The following TOX2 variants were observed in gnomAD, a reference collection of about 807,000 sequenced individuals.
TOX2 encodes the protein granulosa cell HMG box 1.
In TOX2, 15 loss-of-function variants were observed where a neutral mutation model predicts 47.4. The observed-to-expected ratio is 0.32, with a 90% confidence interval of 0.21 to 0.49. TOX2 has a LOEUF of 0.49. Among genes scored for constraint, TOX2 ranks in the 20% least tolerant of loss-of-function variants. The probability of loss-of-function intolerance (pLI) is 0.99; values close to 1 mark genes in which losing one functional copy is unlikely to be tolerated. For synonymous variants in TOX2, 290 were observed against 296.6 expected, an observed-to-expected ratio of 0.98 and a Z score of 0.23; for missense variants, 622 against 673.1, an observed-to-expected ratio of 0.92 and a Z score of 0.84.
chr20:43,951,631 G>T (rs1239103126), intron 1 of TOX2, among the ~76,000 whole-genome samples: 1 of 150,264 alleles, frequency 6.7e-6, no homozygotes, highest in African/African-American at 2.5e-5. Flanking sequence ...GATTATGAGG[G>T]TTACATGCAA....
intron 5 of TOX2, among the ~76,000 whole-genome samples, chr20:44,063,106 C>A (rs776127396): frequency 1.3e-4 from 20 of 152,058 alleles, no homozygotes; most frequent in Non-Finnish European, 2.8e-4. Flanking sequence ...ACCAAGAACC[C>A]AAAAGCAAAT....
chr20:43,979,730 C>T (rs1439709981), intron 2 of TOX2, among the ~76,000 whole-genome samples: 1 of 152,040 alleles, frequency 6.6e-6, no homozygotes, highest in African/African-American at 2.4e-5. Context: ...TTTGAATAGA[C>T]ATTTCTTAAA....
At chr20:44,031,673 T>C (rs1236803403) in intron 3 of TOX2, among the ~76,000 whole-genome samples, 3 of 151,986 alleles carry the variant, frequency 2.0e-5, no homozygotes, top group African/African-American at 7.3e-5. Flanking sequence ...GAGAAATGCC[T>C]AAGCTGCCCA....
At chr20:43,921,896 G>T (rs1568998197) in intron 1 of TOX2, among the ~76,000 whole-genome samples, 2 of 152,182 alleles carry the variant, frequency 1.3e-5, no homozygotes, top group African/African-American at 4.8e-5. Flanking sequence ...CTGAGCCTCT[G>T]GGTTGAAGGA....
At chr20:44,065,293 G>A (rs992066698) in intron 6 of TOX2, among the ~76,000 whole-genome samples, 12 of 152,206 alleles carry the variant, frequency 7.9e-5, no homozygotes, top group African/African-American at 2.4e-4. Flanking sequence ...CGGATGCGTG[G>A]CCCAAGTGGA....
intron 1 of TOX2, among the ~76,000 whole-genome samples, chr20:43,957,133 A>C (rs2069681722): frequency 6.6e-6 from 1 of 152,244 alleles, no homozygotes; most frequent in Non-Finnish European, 1.5e-5. Context: ...ATCCTGCTCC[A>C]CAGATCTGAT....
Position 44,069,421 on chromosome 20 carries a change from GA to G in TOX2, c.*736del, listed in dbSNP as rs2071899019. 6.5e-6 allele frequency: 1 copy of G among 154,438 alleles called. No homozygotes were observed. The highest frequency in any genetic ancestry group is 2.4e-5 in the African/African-American group (1 of 41,442). The allele number at this position is 154,438 out of a possible 1,614,324, so 9.6% of individuals were successfully genotyped here. ...TCATCTATTTTAAATTGCCGGCGAC[GA>G]CTTTTGTCTATTTATGAAGAAACCT... On this transcript the variant is annotated 3_prime_UTR_variant, in exon 9 of 9. Transcript: ENST00000341197.
chr20:44,065,646 C>G, intron 6 of TOX2, 66 bp from the exon 7 acceptor site: 1 of 1,518,422 alleles, frequency 6.6e-7, no homozygotes, highest in Non-Finnish European at 8.9e-7. Context: ...GCCTCCTGGC[C>G]TCACAGCCCA....
chr20:44,034,934 TTCTA>T (rs2071216253), intron 3 of TOX2, among the ~76,000 whole-genome samples: 1 of 152,246 alleles, frequency 6.6e-6, no homozygotes. Flanking sequence ...CTGCTCCTCC[TTCTA>T]TGTCTCCACC....
chr20:43,923,267 T>C (rs1222731283), intron 1 of TOX2, among the ~76,000 whole-genome samples: 1 of 152,180 alleles, frequency 6.6e-6, no homozygotes, highest in Non-Finnish European at 1.5e-5. Flanking sequence ...TGCACAAGTA[T>C]GGAATGCATC....
chr20:44,022,038 C>T (rs1417003505), intron 3 of TOX2, among the ~76,000 whole-genome samples: 2 of 152,202 alleles, frequency 1.3e-5, no homozygotes, highest in African/African-American at 2.4e-5. Context: ...GCCCTTAGCA[C>T]GTGGCGGAAG....
chr20:43,998,853 G>T (rs1022424524), intron 2 of TOX2, among the ~76,000 whole-genome samples: 38 of 152,068 alleles, frequency 2.5e-4, no homozygotes, highest in Non-Finnish European at 2.2e-4. Context: ...CCTGCTTCCC[G>T]GGTTCAAGGG....
intron 3 of TOX2, among the ~76,000 whole-genome samples, chr20:44,023,431 G>GGAAA (rs1555841868): frequency 0.01 from 1,226 of 119,124 alleles, 170 homozygotes; most frequent in Middle Eastern, 0.045. Flanking sequence ...CTTTATCTCA[G>GGAAA]AAAAAAAAAA....
At chr20:44,052,189 A>C (rs2071524978) in intron 4 of TOX2, among the ~76,000 whole-genome samples, 1 of 152,172 alleles carries the variant, frequency 6.6e-6, no homozygotes, top group Admixed American at 6.5e-5. Context: ...GGGAACATGC[A>C]TTCCCCCAAC....
Position 43,914,960 on chromosome 20 carries a change from G to C in TOX2, c.69G>C (p.Leu23=). ...GGCCCGGGGCCGAGCCGGCCGGCCTGGCGCACCTGGACTATTACCACGGCG... is the reference window on the plus strand; with the variant it reads ...GGCCCGGGGCCGAGCCGGCCGGCCTCGCGCACCTGGACTATTACCACGGCG... The part of the protein sequence containing the change: ...GARPGAEPAG[L]AHLDYYHGGK... Residue 23 remains leucine, a synonymous_variant, in exon 1 of 9, where the codon CTG becomes CTC. Transcript: ENST00000341197. The surrounding 1 kb of genome is among the most constrained non-coding windows in gnomAD (Gnocchi z 4.5). The C allele has an allele frequency of 8.0e-7, 1 of 1,257,170 alleles. No individual in the cohort carries two copies. Among genetic ancestry groups the C allele is most frequent in the South Asian group, 2.5e-5 (1 of 39,852 alleles). 77.9% of individuals were successfully genotyped at this position (1,257,170 alleles called of 1,614,324 possible). A position where few individuals can be genotyped will look rare whatever the true frequency, so the allele number is the denominator to read the frequency against.
At chr20:44,046,062 A>C (rs1393598478) in intron 3 of TOX2, among the ~76,000 whole-genome samples, 1 of 152,264 alleles carries the variant, frequency 6.6e-6, no homozygotes, top group Non-Finnish European at 1.5e-5. Flanking sequence ...ATGATTAATA[A>C]TCAAATACAT....
At chr20:44,027,594 C>G (rs1352411046) in intron 3 of TOX2, among the ~76,000 whole-genome samples, 2 of 152,242 alleles carry the variant, frequency 1.3e-5, no homozygotes, top group Non-Finnish European at 2.9e-5. Flanking sequence ...GATTCCATCT[C>G]TGCCCCATTT....
chr20:43,946,357 TG>T (rs965843987), intron 1 of TOX2, among the ~76,000 whole-genome samples: 2 of 151,990 alleles, frequency 1.3e-5, no homozygotes, highest in Admixed American at 6.6e-5. Flanking sequence ...AGGTGTGGGT[TG>T]GGGGGTCTGG....
intron 2 of TOX2, among the ~76,000 whole-genome samples, chr20:43,989,403 A>G (rs1217543843): frequency 6.6e-6 from 1 of 152,224 alleles, no homozygotes; most frequent in African/African-American, 2.4e-5. Context: ...GCGGGAGCCC[A>G]GTCCCTTCTA....
Sources: allele counts gnomAD v4.1 joint callset (sites outside exome capture counted in the v4.1 genomes callset), GRCh38; gene constraint gnomAD v4.1.1; non-coding constraint Gnocchi (gnomAD v3.1); transcripts MANE v1.5; gene names NCBI Gene and HGNC (gene_info 2026-07-23, HGNC 2026-07-21).